TMEM132B: variants seen among roughly 807,000 people sequenced by gnomAD.
The protein encoded by TMEM132B is transmembrane protein 132B.
A neutral mutation model predicts 90.8 loss-of-function variants in TMEM132B; 18 were observed. The observed-to-expected ratio is 0.20, with a 90% CI of 0.14 to 0.29. The LOEUF (loss-of-function observed/expected upper bound fraction) is 0.29, where lower values mean the gene tolerates loss of function less well. Among genes scored for constraint, TMEM132B ranks in the 10% least tolerant of loss-of-function variants. TMEM132B has a pLI of 1.00. For missense variants in TMEM132B, 1,096 were observed against 1,326.8 expected (o/e 0.83, Z 2.70); for synonymous variants, 504 against 523.3 (o/e 0.96, Z 0.50).
chr12:125,314,483 G>A (rs1876208290), intron 1 of TMEM132B, among the ~76,000 whole-genome samples: 1 of 152,170 alleles, frequency 6.6e-6, no homozygotes, highest in African/African-American at 2.4e-5. Context: ...CCCCAGAGGT[G>A]GTGCTGGGCT....
chr12:125,369,464 C>G (rs1166054440), intron 2 of TMEM132B, among the ~76,000 whole-genome samples: 2 of 152,000 alleles, frequency 1.3e-5, no homozygotes, highest in Non-Finnish European at 2.9e-5. Flanking sequence ...ATAACTGAAG[C>G]CTTGGAAAGG....
intron 3 of TMEM132B, among the ~76,000 whole-genome samples, chr12:125,428,519 G>A (rs2136393345): frequency 6.6e-6 from 1 of 152,080 alleles, no homozygotes; most frequent in South Asian, 2.1e-4. Context: ...CAGATCTGCT[G>A]CAAATCTTTT....
intron 1 of TMEM132B, among the ~76,000 whole-genome samples, chr12:125,203,225 C>T (rs1204771217): frequency 6.6e-6 from 1 of 152,196 alleles, no homozygotes; most frequent in Non-Finnish European, 1.5e-5. Context: ...ACAAGAGGCC[C>T]TTCCTTGTCC....
chr12:125,538,563 C>T (rs1883874227), intron 4 of TMEM132B, among the ~76,000 whole-genome samples: 1 of 152,198 alleles, frequency 6.6e-6, no homozygotes, highest in Admixed American at 6.5e-5. Flanking sequence ...ACTTTCTATT[C>T]CTCATCCGTG....
intron 5 of TMEM132B, among the ~76,000 whole-genome samples, chr12:125,639,529 C>T (rs1886574839): frequency 6.6e-6 from 1 of 152,190 alleles, no homozygotes; most frequent in South Asian, 2.1e-4. Flanking sequence ...GAGAAAGGTC[C>T]ATGTTCTGAA....
At chr12:125,484,271 T>C (rs1566050060) in intron 3 of TMEM132B, among the ~76,000 whole-genome samples, 1 of 150,792 alleles carries the variant, frequency 6.6e-6, no homozygotes, top group Non-Finnish European at 1.5e-5. Flanking sequence ...ACACACGATA[T>C]GTATGAACAC....
At position 125,421,631 on chromosome 12, in the gene TMEM132B, G is replaced by A. The variant is rs943514576; in HGVS notation, c.1106+5954G>A. ...ATCAGCTACCATATTGGAAAATCTG[G>A]AAAATCCAATCTTTCAGGAGTTTTT... On this transcript the variant is annotated intron_variant, in intron 3 of 8. Transcript: ENST00000682704. Among the ~76,000 whole-genome samples the A allele has an allele frequency of 1.1e-4, 17 of 152,306 alleles. 1 individual carries two copies. The Middle Eastern group carries it at 0.01, about 91-fold the overall frequency.
At chr12:125,337,673 A>T (rs963682100) in intron 1 of TMEM132B, among the ~76,000 whole-genome samples, 3 of 152,144 alleles carry the variant, frequency 2.0e-5, no homozygotes, top group Non-Finnish European at 2.9e-5. Flanking sequence ...ATGTCTTGTT[A>T]TCTAGATTAA....
intron 4 of TMEM132B, among the ~76,000 whole-genome samples, chr12:125,550,111 C>T (rs1435384899): frequency 6.6e-6 from 1 of 152,192 alleles, no homozygotes; most frequent in Non-Finnish European, 1.5e-5. Context: ...CTTTCTGTTC[C>T]TGCCGCACAG....
chr12:125,454,621 A>G (rs1881243703), intron 3 of TMEM132B, among the ~76,000 whole-genome samples: 1 of 152,242 alleles, frequency 6.6e-6, no homozygotes, highest in African/African-American at 2.4e-5. Flanking sequence ...TGTCATCCAG[A>G]AATCTGCTTA....
intron 1 of TMEM132B, among the ~76,000 whole-genome samples, chr12:125,211,594 G>C (rs764722810): frequency 1.5e-4 from 23 of 152,208 alleles, no homozygotes; most frequent in Non-Finnish European, 2.8e-4. Flanking sequence ...GTGAGGAGTA[G>C]GGTGGGAAAC....
chr12:125,617,953 CA>C (rs59348979), intron 5 of TMEM132B, among the ~76,000 whole-genome samples: 4,587 of 144,414 alleles, frequency 0.032, 95 homozygotes, highest in African/African-American at 0.056. Flanking sequence ...TTGCTTACTA[CA>C]AAAAAAAAAA....
At chr12:125,336,988 C>T (rs1169467745) in intron 1 of TMEM132B, among the ~76,000 whole-genome samples, 2 of 152,218 alleles carry the variant, frequency 1.3e-5, no homozygotes, top group Non-Finnish European at 2.9e-5. Flanking sequence ...TACTGTTTAA[C>T]AGCTGGTGGT....
chr12:125,452,540 G>C (rs1881182488), intron 3 of TMEM132B, among the ~76,000 whole-genome samples: 1 of 152,142 alleles, frequency 6.6e-6, no homozygotes, highest in Non-Finnish European at 1.5e-5. Flanking sequence ...ATTTTAAATG[G>C]TAGTGGAGCA....
chr12:125,350,059 G>C lies in TMEM132B; in HGVS notation c.675G>C (p.Thr225=), dbSNP rs769798120. The C allele has an allele frequency of 4.3e-6, 7 of 1,614,204 alleles. No homozygotes were observed. In the South Asian group the frequency reaches 7.7e-5, roughly 18 times the overall value. Residue 225 remains threonine (T), a synonymous_variant, in exon 2 of 9, where the codon ACG becomes ACC. Coordinates refer to ENST00000682704, the MANE Select transcript of TMEM132B (RefSeq NM_001366854.1). ...GCACCACGATGGAGCTCTTCTTCAC[G>C]CTCTACCCAGCTGACAAGGCTGGCC... The part of the protein sequence containing the change: ...LGGTTMELFF[T]LYPADKAGQC...
At chr12:125,525,873 C>A (rs1052052626) in intron 4 of TMEM132B, among the ~76,000 whole-genome samples, 1 of 152,198 alleles carries the variant, frequency 6.6e-6, no homozygotes, top group African/African-American at 2.4e-5. Flanking sequence ...TTGGCCTAAA[C>A]CATCACGATT....
At chr12:125,396,586 C>T (rs901308174) in intron 2 of TMEM132B, among the ~76,000 whole-genome samples, 1 of 152,106 alleles carries the variant, frequency 6.6e-6, no homozygotes, top group African/African-American at 2.4e-5. Context: ...GATCATGGCT[C>T]ACTGCAGCCT....
intron 4 of TMEM132B, among the ~76,000 whole-genome samples, chr12:125,527,009 C>CCCTTCCATCCACCCATCCAG (rs1883484093): frequency 1.4e-5 from 2 of 147,460 alleles, no homozygotes; most frequent in Non-Finnish European, 3.0e-5. Flanking sequence ...CAATCATTTA[C>CCCTTCCATCCACCCATCCAG]CCTTCCATCC....
chr12:125,452,143 A>T (rs1881169235), intron 3 of TMEM132B, among the ~76,000 whole-genome samples: 1 of 152,174 alleles, frequency 6.6e-6, no homozygotes, highest in Non-Finnish European at 1.5e-5. Flanking sequence ...GCTCATCTTC[A>T]TGCACCTATC....
Sources: allele counts gnomAD v4.1 joint callset (sites outside exome capture counted in the v4.1 genomes callset), GRCh38; gene constraint gnomAD v4.1.1; transcripts MANE v1.5; gene names NCBI Gene and HGNC (gene_info 2026-07-23, HGNC 2026-07-21).